The following CNTNAP5 variants were observed in gnomAD, a reference collection of about 807,000 sequenced individuals.
CNTNAP5 encodes the protein contactin-associated protein-like 5.
Under a neutral mutation model 150.2 loss-of-function variants are expected in CNTNAP5, and 72 were observed. The observed-to-expected ratio is 0.48, with a 90% CI of 0.40 to 0.58. The LOEUF (loss-of-function observed/expected upper bound fraction) is 0.58. Among genes scored for constraint, CNTNAP5 ranks in the 20% least tolerant of loss-of-function variants. The pLI is 0.00. For missense variants in CNTNAP5, 1,636 were observed against 1,626.2 expected (o/e 1.01, Z -0.10); for synonymous variants, 672 against 619.8 (o/e 1.08, Z -1.25).
At position 124,589,406 on chromosome 2, in the gene CNTNAP5, C is replaced by T. The variant is rs531136073; in HGVS notation, c.1757-20395C>T. 3.3e-5 allele frequency among the ~76,000 whole-genome samples: 5 copies of T among 152,288 alleles called. No individual in the cohort carries two copies. In the East Asian group the frequency reaches 9.7e-4, roughly 29 times the overall value. On this transcript the variant is annotated intron_variant, in intron 11 of 23. Coordinates refer to ENST00000682447, the MANE Select transcript of CNTNAP5 (RefSeq NM_001367498.1). ...AATATTTCATGGTATGGAAATACCA[C>T]ATTTGTTTATCCATTCATTGGTTGG... is the stretch of plus-strand genomic sequence containing the variant.
At position 124,172,633 on chromosome 2, in the gene CNTNAP5, C is replaced by T. The variant is rs75421900; in HGVS notation, c.83-49072C>T. Among the ~76,000 whole-genome samples, 622 of 152,226 alleles carry T rather than the reference C, an allele frequency of 4.1e-3. 6 individuals carry two copies. The highest frequency in any genetic ancestry group is 0.014 in the African/African-American group (581 of 41,538). ...CTCGCCATGTTGCTCAAGCTGATCT[C>T]GAACTTCTGAGCTCTAGCAATCTGT... On this transcript the variant is annotated intron_variant, in intron 1 of 23. Transcript: ENST00000682447.
intron 13 of CNTNAP5, among the ~76,000 whole-genome samples, chr2:124,744,617 T>C (rs910236020): frequency 5.3e-5 from 8 of 152,224 alleles, no homozygotes; most frequent in Non-Finnish European, 1.0e-4. Flanking sequence ...GAATCCTTAG[T>C]AAATATTTGT....
intron 7 of CNTNAP5, among the ~76,000 whole-genome samples, chr2:124,490,258 AG>A (rs1311538048): frequency 8.6e-5 from 13 of 151,440 alleles, no homozygotes; most frequent in Admixed American, 5.9e-4. Context: ...TGCTTGAACC[AG>A]GGAGGTGGAG....
At chr2:124,549,716 T>C (rs1695588267) in intron 10 of CNTNAP5, among the ~76,000 whole-genome samples, 1 of 152,258 alleles carries the variant, frequency 6.6e-6, no homozygotes, top group Non-Finnish European at 1.5e-5. Flanking sequence ...AAAGTAGGTA[T>C]AATTGCTTTT....
At chr2:124,322,353 C>T (rs932263295) in intron 3 of CNTNAP5, among the ~76,000 whole-genome samples, 1 of 152,010 alleles carries the variant, frequency 6.6e-6, no homozygotes, top group African/African-American at 2.4e-5. Flanking sequence ...TGCATTCATT[C>T]CCAGCTCTGC....
rs185739513 is a variant in CNTNAP5 at position 124,158,478 on chromosome 2, G to A, written c.83-63227G>A. 2.6e-4 allele frequency among the ~76,000 whole-genome samples: 40 copies of A among 152,144 alleles called. 1 individual carries two copies. In the East Asian group the frequency reaches 4.7e-3, roughly 18 times the overall value. On this transcript the variant is annotated intron_variant, in intron 1 of 23. Transcript: ENST00000682447. ...GTCACTTCAGTTGCTTAAATTCAAC[G>A]TAATACTACCATGTGTGGCCAATTC...
rs796272013 is a variant in CNTNAP5 at position 124,706,916 on chromosome 2, G to GAGAAGAAGAAGA, written c.2078-40298_2078-40287dup. Among the ~76,000 whole-genome samples, 29 of 30,034 alleles carry GAGAAGAAGAAGA rather than the reference G, an allele frequency of 9.7e-4. 1 individual carries two copies. The highest frequency in any genetic ancestry group is 3.2e-3 in the African/African-American group (25 of 7,700). 19.7% of individuals were successfully genotyped at this position (30,034 alleles called of 152,430 possible). A position where few individuals can be genotyped will look rare whatever the true frequency, so the allele number is the denominator to read the frequency against. On this transcript the variant is annotated intron_variant, in intron 13 of 23. Coordinates refer to ENST00000682447, the MANE Select transcript of CNTNAP5 (RefSeq NM_001367498.1). ...GAGGAAGAAGAAGGAGGAGGAGGAG[G>GAGAAGAAGAAGA]AGAAGAAGAAGAAGAAGAAGAAGAA...
In CNTNAP5 at chr2:124,682,258, T is replaced by C. The variant is rs559818332; in HGVS notation, c.2077+34300T>C. 2.6e-5 allele frequency among the ~76,000 whole-genome samples: 4 copies of C among 152,294 alleles called. No homozygotes were observed. The East Asian group carries it at 7.8e-4, about 30-fold the overall frequency. ...GCCATTAAATTCCACACCAAGCTCT[T>C]CTTTGCTCCAGCTAAAATCGCAACC... On this transcript the variant is annotated intron_variant, in intron 13 of 23. Coordinates refer to ENST00000682447, the MANE Select transcript of CNTNAP5 (RefSeq NM_001367498.1).
intron 3 of CNTNAP5, among the ~76,000 whole-genome samples, chr2:124,313,937 G>C (rs1017417513): frequency 1.3e-5 from 2 of 152,198 alleles, no homozygotes; most frequent in Non-Finnish European, 2.9e-5. Context: ...GGCATCTTCA[G>C]ACTTAGAACT....
At chr2:124,801,857 G>T (rs10170529) in intron 19 of CNTNAP5, among the ~76,000 whole-genome samples, 13,521 of 152,166 alleles carry the variant, frequency 0.089, 1,110 homozygotes, top group African/African-American at 0.22. Context: ...GAAAATACTA[G>T]TGGGAGTTAA....
intron 3 of CNTNAP5, among the ~76,000 whole-genome samples, chr2:124,346,692 T>G (rs1358489606): frequency 1.3e-5 from 2 of 152,020 alleles, no homozygotes; most frequent in African/African-American, 4.8e-5. Context: ...AAAAATATGT[T>G]TATTAAAGAA....
chr2:124,233,939 T>TA (rs1453014731), intron 2 of CNTNAP5, among the ~76,000 whole-genome samples: 1 of 151,994 alleles, frequency 6.6e-6, no homozygotes, highest in Non-Finnish European at 1.5e-5. Context: ...CACTGTCTTT[T>TA]AAAAGAAAAT....
chr2:124,395,708 A>T (rs939562507), intron 3 of CNTNAP5, among the ~76,000 whole-genome samples: 1 of 152,146 alleles, frequency 6.6e-6, no homozygotes, highest in Admixed American at 6.5e-5. Flanking sequence ...ATGGCATGTT[A>T]CTTAGAATAA....
chr2:124,379,036 T>A (rs1043669184), intron 3 of CNTNAP5, among the ~76,000 whole-genome samples: 22 of 152,070 alleles, frequency 1.4e-4, no homozygotes, highest in African/African-American at 5.1e-4. Context: ...CAGAGCAAAA[T>A]TGAGCAGAAA....
intron 7 of CNTNAP5, among the ~76,000 whole-genome samples, chr2:124,483,244 C>T (rs916028712): frequency 2.0e-5 from 3 of 152,180 alleles, no homozygotes; most frequent in Non-Finnish European, 2.9e-5. Flanking sequence ...TATGCTAACC[C>T]AGAAACCTGG....
chr2:124,640,542 G>A (rs1160514020), intron 12 of CNTNAP5, among the ~76,000 whole-genome samples: 3 of 152,180 alleles, frequency 2.0e-5, no homozygotes, highest in Non-Finnish European at 4.4e-5. Context: ...TTTTAGTGAG[G>A]CACGGATGGA....
intron 1 of CNTNAP5, among the ~76,000 whole-genome samples, chr2:124,153,978 C>A (rs571538412): frequency 2.8e-4 from 42 of 151,998 alleles, no homozygotes; most frequent in African/African-American, 1.0e-3. Flanking sequence ...GCCCGCATGA[C>A]CTAATCACAT....
chr2:124,791,797 G>A (rs1003531261), intron 18 of CNTNAP5, among the ~76,000 whole-genome samples: 3 of 141,026 alleles, frequency 2.1e-5, no homozygotes, highest in Non-Finnish European at 4.5e-5. Context: ...CAACATCTCT[G>A]TGCTCCCTCC....
intron 1 of CNTNAP5, among the ~76,000 whole-genome samples, chr2:124,121,835 C>T (rs2104716958): frequency 6.6e-6 from 1 of 152,222 alleles, no homozygotes; most frequent in Non-Finnish European, 1.5e-5. Context: ...TAGTGTGTAT[C>T]AAACAATTTA....
Sources: gnomAD v4.1 joint callset for allele counts (sites outside exome capture counted in the v4.1 genomes callset) on GRCh38, gnomAD v4.1.1 for gene constraint, MANE v1.5 for transcripts, NCBI Gene and HGNC (gene_info 2026-07-23, HGNC 2026-07-21) for gene names.